CADPS2: variants seen among roughly 807,000 people sequenced by gnomAD.
CADPS2 encodes calcium dependent secretion activator 2.
In CADPS2, 93 loss-of-function variants were observed where a neutral mutation model predicts 172.5. The ratio of observed to expected loss-of-function variants is 0.54; its 90% CI spans 0.46 to 0.64. The LOEUF is 0.64. Among genes scored for constraint, CADPS2 ranks in the 30% least tolerant of loss-of-function variants. CADPS2 has a pLI of 0.00. For synonymous variants in CADPS2, 546 were observed against 555.2 expected, an observed-to-expected ratio of 0.98 and a Z score of 0.23; for missense variants, 1,420 against 1,565.9, an observed-to-expected ratio of 0.91 and a Z score of 1.57.
chr7:122,621,708 A>G lies in CADPS2; in HGVS notation c.877T>C (p.Phe293Leu), dbSNP rs775318759. The change falls in exon 5 of 30, where the codon TTC becomes CTC. Residue 293 changes from phenylalanine to leucine, a missense_variant. Coordinates refer to ENST00000449022, the MANE Select transcript of CADPS2 (RefSeq NM_017954.11). ...LADKMAKERK[F>L]PKFIAKDMEN... Reference sequence around the variant, plus strand: ...ATATCTTTTGCTATAAATTTGGGGAATTTTCTTTCCTTGAAAATAATTTTT... The same window carrying G: ...ATATCTTTTGCTATAAATTTGGGGAGTTTTCTTTCCTTGAAAATAATTTTT... 1.9e-6 allele frequency: 3 copies of G among 1,564,884 alleles called. No individual in the cohort carries two copies. In the South Asian group the frequency reaches 3.5e-5, roughly 19 times the overall value.
chr7:122,666,615 T>C (rs182691597), intron 2 of CADPS2, among the ~76,000 whole-genome samples: 12 of 152,238 alleles, frequency 7.9e-5, no homozygotes, highest in African/African-American at 2.6e-4. Flanking sequence ...GTGCTGGGAT[T>C]ACAGGTATGA....
chr7:122,636,537 C>T (rs1272977405), intron 3 of CADPS2, among the ~76,000 whole-genome samples: 1 of 142,946 alleles, frequency 7.0e-6, no homozygotes, highest in East Asian at 2.1e-4. Flanking sequence ...GCAATCTTGG[C>T]TCACTGCAAT....
At chr7:122,799,511 G>A (rs1196999523) in intron 1 of CADPS2, among the ~76,000 whole-genome samples, 1 of 151,480 alleles carries the variant, frequency 6.6e-6, no homozygotes, top group Admixed American at 6.6e-5. Context: ...GCTGAGGCGG[G>A]AGAATGGCGT....
At chr7:122,577,170 T>A (rs2068161278) in intron 7 of CADPS2, among the ~76,000 whole-genome samples, 1 of 152,144 alleles carries the variant, frequency 6.6e-6, no homozygotes, top group Non-Finnish European at 1.5e-5. Context: ...TTCCTGAGGC[T>A]TCCCTAGCCA....
At chr7:122,773,731 T>C (rs2093777664) in intron 1 of CADPS2, among the ~76,000 whole-genome samples, 1 of 152,108 alleles carries the variant, frequency 6.6e-6, no homozygotes, top group Non-Finnish European at 1.5e-5. Context: ...AAAAGTACCT[T>C]TTTAAAACCT....
chr7:122,385,033 G>C (rs1022646533), intron 24 of CADPS2, among the ~76,000 whole-genome samples: 2 of 151,950 alleles, frequency 1.3e-5, no homozygotes, highest in African/African-American at 4.8e-5. Context: ...CCACAAACCA[G>C]ATGAGAAAAG....
chr7:122,341,600 A>G (rs993698551), intron 28 of CADPS2, among the ~76,000 whole-genome samples: 11 of 152,166 alleles, frequency 7.2e-5, no homozygotes, highest in African/African-American at 2.7e-4. Context: ...ATCATTTCAA[A>G]TTTTGTTAAG....
intron 6 of CADPS2, among the ~76,000 whole-genome samples, chr7:122,594,804 T>C (rs1416838681): frequency 6.6e-6 from 1 of 151,708 alleles, no homozygotes; most frequent in African/African-American, 2.4e-5. Context: ...CAAGTAAAAT[T>C]GTAATCCAAG....
At chr7:122,690,257 G>T (rs923318015) in intron 2 of CADPS2, among the ~76,000 whole-genome samples, 1 of 152,190 alleles carries the variant, frequency 6.6e-6, no homozygotes, top group Non-Finnish European at 1.5e-5. Flanking sequence ...GCTGCCAAGG[G>T]CTTCTGCCCT....
intron 7 of CADPS2, among the ~76,000 whole-genome samples, chr7:122,575,945 T>C (rs2067984365): frequency 6.6e-6 from 1 of 152,174 alleles, no homozygotes; most frequent in African/African-American, 2.4e-5. Flanking sequence ...CCATGGTACA[T>C]TTGTTATAAC....
At chr7:122,722,734 C>T in intron 2 of CADPS2, among the ~76,000 whole-genome samples, 1 of 139,590 alleles carries the variant, frequency 7.2e-6, no homozygotes, top group Non-Finnish European at 1.5e-5. Context: ...CAATCCTAAG[C>T]CAAAAGAACA....
At chr7:122,327,929 C>A (rs1017768392) in intron 28 of CADPS2, among the ~76,000 whole-genome samples, 1 of 151,912 alleles carries the variant, frequency 6.6e-6, no homozygotes, top group Non-Finnish European at 1.5e-5. Context: ...AAAAATTATT[C>A]TATCAAATAA....
intron 1 of CADPS2, among the ~76,000 whole-genome samples, chr7:122,802,839 C>A (rs1797948516): frequency 6.6e-6 from 1 of 152,052 alleles, no homozygotes; most frequent in South Asian, 2.1e-4. Context: ...TGCTGAAGAA[C>A]AATTAGGGAC....
chr7:122,566,419 A>C (rs916015467), intron 7 of CADPS2, among the ~76,000 whole-genome samples: 4 of 152,160 alleles, frequency 2.6e-5, no homozygotes, highest in African/African-American at 9.6e-5. Flanking sequence ...TTTAAGGTAT[A>C]TATCCAAAGG....
intron 2 of CADPS2, among the ~76,000 whole-genome samples, chr7:122,728,663 G>C (rs6978244): frequency 0.99 from 150,850 of 151,842 alleles, 74,939 homozygotes; most frequent in Non-Finnish European, 1. Flanking sequence ...TACAACGGAA[G>C]AAATTAACAT....
chr7:122,645,731 TAAAG>T (rs1391272271), intron 3 of CADPS2, among the ~76,000 whole-genome samples: 1 of 140,874 alleles, frequency 7.1e-6, no homozygotes, highest in Non-Finnish European at 1.5e-5. Context: ...ACTGCGGTAA[TAAAG>T]AACAAGTTCA....
At chr7:122,742,750 G>A (rs1225407414) in intron 1 of CADPS2, among the ~76,000 whole-genome samples, 1 of 152,126 alleles carries the variant, frequency 6.6e-6, no homozygotes, top group Non-Finnish European at 1.5e-5. Flanking sequence ...AGATGTATCT[G>A]AGCCACTGTT....
rs2032127646 is a variant in CADPS2, at chr7:122,320,289, T to C, written c.3767A>G (p.Asn1256Ser). The C allele has an allele frequency of 6.2e-7, 1 of 1,610,744 alleles. No individual in the cohort carries two copies. ...RLQGVLEGTL[N>S]SKTYDTVHRR... ...GTGCACAGTATCATAAGTCTTACTG[T>C]TCAGTGTTCCTTCCAACACACCCTG... The change falls in exon 30 of 30, where the codon AAC (asparagine) becomes AGC (serine). Residue 1256 changes from asparagine to serine, a missense_variant. Transcript: ENST00000449022.
chr7:122,342,112 T>A (rs1038129632), intron 28 of CADPS2, among the ~76,000 whole-genome samples: 3 of 152,186 alleles, frequency 2.0e-5, no homozygotes, highest in Non-Finnish European at 4.4e-5. Flanking sequence ...TTAAAGATTA[T>A]CCTATTTATG....
Sources: gnomAD v4.1 joint callset for allele counts (sites outside exome capture counted in the v4.1 genomes callset) on GRCh38, gnomAD v4.1.1 for gene constraint, MANE v1.5 for transcripts, NCBI Gene and HGNC (gene_info 2026-07-23, HGNC 2026-07-21) for gene names.